Variants in VWF observed in about 807,000 individuals in gnomAD.
The protein encoded by VWF is von Willebrand factor.
Under a neutral mutation model 308.6 loss-of-function variants are expected in VWF, and 176 were observed. The observed-to-expected ratio is 0.57, with a 90% CI of 0.50 to 0.65. The LOEUF is 0.65. Among genes scored for constraint, VWF ranks in the 30% least tolerant of loss-of-function variants. The pLI is 0.00. For synonymous variants in VWF, 1,385 were observed against 1,443.4 expected (o/e 0.96, Z 0.92); for missense variants, 3,146 against 3,648.2 (o/e 0.86, Z 3.55).
At chr12:5,995,920 C>A in intron 35 of VWF, 82 bp downstream of exon 35, 4 of 1,382,684 alleles carry the variant, frequency 2.9e-6, no homozygotes, top group Non-Finnish European at 4.0e-6. Context: ...AGAGCATCAA[C>A]TAAAAGCAAC....
Position 6,016,797 on chromosome 12 carries a change from T to C in VWF, c.5127A>G (p.Glu1709=). 6.2e-7 allele frequency: 1 copy of C among 1,614,080 alleles called. No individual in the cohort carries two copies. The part of the protein sequence containing the change: ...SSSFPASYFD[E]MKSFAKAFIS... Reference sequence around the variant, plus strand: ...TGAAAGCCTTGGCGAAACTCTTCATTTCATCAAAATAAGAAGCTGGGAAAC... The same window carrying C: ...TGAAAGCCTTGGCGAAACTCTTCATCTCATCAAAATAAGAAGCTGGGAAAC... The change falls in exon 29 of 52, where the codon GAA becomes GAG. Residue 1709 remains glutamate, a synonymous_variant. Coordinates refer to ENST00000261405, the MANE Select transcript of VWF (RefSeq NM_000552.5).
intron 38 of VWF, among the ~76,000 whole-genome samples, chr12:5,987,750 G>A (rs984700591): frequency 8.5e-5 from 13 of 152,230 alleles, no homozygotes; most frequent in African/African-American, 1.4e-4. Flanking sequence ...GAAAAGAAGT[G>A]CGTAGGCATG....
chr12:5,956,888 C>G (rs746214287), intron 47 of VWF, among the ~76,000 whole-genome samples: 2 of 151,996 alleles, frequency 1.3e-5, no homozygotes, highest in Non-Finnish European at 1.5e-5. Context: ...TTTAGGGTAG[C>G]CTAAGTGTAC....
At chr12:6,079,979 G>A (rs1944889958) in intron 6 of VWF, among the ~76,000 whole-genome samples, 1 of 152,042 alleles carries the variant, frequency 6.6e-6, no homozygotes, top group Admixed American at 6.6e-5. Flanking sequence ...GCCCAGCAGG[G>A]AAATCTGCCC....
rs896830999 is a variant in VWF at position 5,968,010 on chromosome 12, G to T, written c.7770+117C>A. The T allele has an allele frequency of 5.6e-6, 8 of 1,424,718 alleles. No homozygotes were observed. The Admixed American group carries it at 1.2e-4, about 22-fold the overall frequency. 88.3% of individuals were successfully genotyped at this position (1,424,718 alleles called of 1,614,324 possible). On this transcript the variant is annotated intron_variant, in intron 46 of 51. Transcript: ENST00000261405. Reference sequence around the variant, plus strand: ...GTCCCACAGGCAGTGGAAAGCTGGGGTTGGGTCTCTCTGGTTTCCTTCATT... The same window carrying T: ...GTCCCACAGGCAGTGGAAAGCTGGGTTTGGGTCTCTCTGGTTTCCTTCATT...
chr12:5,980,082 A>AAAAG (rs200814593), intron 42 of VWF, among the ~76,000 whole-genome samples: 2 of 109,618 alleles, frequency 1.8e-5, no homozygotes, highest in Non-Finnish European at 3.6e-5. Context: ...AGAAAGAAAG[A>AAAAG]AAAGAAAGAA....
At chr12:5,983,056 G>A in intron 41 of VWF, 94 bp downstream of exon 41, 8 of 1,266,736 alleles carry the variant, frequency 6.3e-6, no homozygotes, top group Non-Finnish European at 6.7e-6. Context: ...AACAGGAAAT[G>A]ACGTGATCTT....
intron 42 of VWF, among the ~76,000 whole-genome samples, chr12:5,979,909 C>T (rs1419824683): frequency 6.9e-6 from 1 of 145,664 alleles, no homozygotes; most frequent in African/African-American, 2.5e-5. Flanking sequence ...GGCGTGGTGG[C>T]GGGCGCCTGT....
chr12:5,979,898 G>T (rs1250457089), intron 42 of VWF, among the ~76,000 whole-genome samples: 2 of 150,256 alleles, frequency 1.3e-5, no homozygotes, highest in Non-Finnish European at 1.5e-5. Context: ...AAAATTAGCC[G>T]GGCGTGGTGG....
chr12:6,036,435 G>A lies in VWF; in HGVS notation c.2499C>T (p.Gly833=). The A allele has an allele frequency of 6.2e-7, 1 of 1,614,220 alleles. No individual in the cohort carries two copies. The highest frequency in any genetic ancestry group is 8.5e-7 in the Non-Finnish European group (1 of 1,180,032). ...ALERCPCFHQ[G]KEYAPGETVK... is the part of the protein sequence containing the mutation. ...CTGTTTCTCCAGGGGCATACTCCTT[G>A]CCCTGATGGAAGCAGGGACACCTTT... The change falls in exon 19 of 52, where the codon GGC becomes GGT. Residue 833 remains glycine (G), a synonymous_variant. Transcript: ENST00000261405.
At chr12:6,099,643 G>A (rs1375986554) in intron 5 of VWF, among the ~76,000 whole-genome samples, 2 of 152,038 alleles carry the variant, frequency 1.3e-5, no homozygotes, top group African/African-American at 2.4e-5. Context: ...CAATGGGGAA[G>A]GGATTCCCTA....
chr12:5,976,402 G>T (rs1050831259), intron 42 of VWF, 142 bp from the exon 43 acceptor site: 6 of 1,074,478 alleles, frequency 5.6e-6, no homozygotes, highest in Non-Finnish European at 8.3e-6. Context: ...CCATATGCAG[G>T]GCTGCTTATA....
chr12:6,011,305 T>G (rs1943990305), intron 34 of VWF, among the ~76,000 whole-genome samples: 1 of 152,240 alleles, frequency 6.6e-6, no homozygotes, highest in Non-Finnish European at 1.5e-5. Context: ...ATACACAGAT[T>G]CCTAAAGGTT....
chr12:6,044,366 G>A lies in VWF; in HGVS notation c.2367C>T (p.Thr789=), dbSNP rs1329511445. 8.7e-6 allele frequency: 14 copies of A among 1,614,056 alleles called. No homozygotes were observed. Among genetic ancestry groups the A allele is most frequent in the Non-Finnish European group, 1.1e-5 (13 of 1,180,026 alleles). The part of the protein sequence containing the change: ...DNLRAEGLEC[T]KTCQNYDLEC... Reference sequence around the variant, plus strand: ...CCAGGTCATAGTTCTGGCACGTTTTGGTACACTCGAGCCCTTCAGCCCGCA... The same window carrying A: ...CCAGGTCATAGTTCTGGCACGTTTTAGTACACTCGAGCCCTTCAGCCCGCA... The change falls in exon 18 of 52, where the codon ACC becomes ACT. Residue 789 remains threonine (T), a synonymous_variant. Coordinates refer to ENST00000261405, the MANE Select transcript of VWF (RefSeq NM_000552.5).
rs1943915815 is a variant in VWF at position 6,005,553 on chromosome 12, C to G, written c.5842+6064G>C. On this transcript the variant is annotated intron_variant, in intron 34 of 51. Coordinates refer to ENST00000261405, the MANE Select transcript of VWF (RefSeq NM_000552.5). ...CCAACTAGAATGAATTTAAAGAAGT[C>G]CGCTACAACATATATTATAATCAAT... Among the ~76,000 whole-genome samples, 4 of 152,134 alleles carry G rather than the reference C, an allele frequency of 2.6e-5. No individual in the cohort carries two copies. In the South Asian group the frequency reaches 8.3e-4, roughly 32 times the overall value.
chr12:6,109,974 A>G (rs571943107), intron 5 of VWF, among the ~76,000 whole-genome samples: 1 of 152,180 alleles, frequency 6.6e-6, no homozygotes, highest in South Asian at 2.1e-4. Flanking sequence ...TATCCATATT[A>G]CTTTCTATTG....
At chr12:6,034,558 G>A in intron 20 of VWF, 130 bp downstream of exon 20, 1 of 1,387,272 alleles carries the variant, frequency 7.2e-7, no homozygotes, top group Non-Finnish European at 1.0e-6. Context: ...GAAGGACTGG[G>A]AAGTACTCCA....
intron 44 of VWF, among the ~76,000 whole-genome samples, chr12:5,970,733 A>G (rs900680759): frequency 1.3e-5 from 2 of 152,178 alleles, no homozygotes; most frequent in Admixed American, 6.5e-5. Context: ...TCAGGACAAG[A>G]TAGCAGACCT....
chr12:6,057,822 C>G, intron 14 of VWF, 27 bp downstream of exon 14: 3 of 1,588,142 alleles, frequency 1.9e-6, no homozygotes, highest in Non-Finnish European at 1.7e-6. Context: ...TCTGCGAGGT[C>G]CCTGCCTTGC....
Sources: gnomAD v4.1 joint callset for allele counts (sites outside exome capture counted in the v4.1 genomes callset) on GRCh38, gnomAD v4.1.1 for gene constraint, MANE v1.5 for transcripts, NCBI Gene and HGNC (gene_info 2026-07-23, HGNC 2026-07-21) for gene names.